The following KCNG3 variants were observed in gnomAD, a reference collection of about 807,000 sequenced individuals.
KCNG3 encodes the protein potassium voltage-gated channel modifier subfamily G member 3.
A neutral mutation model predicts 29.0 loss-of-function variants in KCNG3; 15 were observed. The ratio of observed to expected loss-of-function variants is 0.52; its 90% CI spans 0.35 to 0.80. KCNG3 has a LOEUF of 0.80. Among genes scored for constraint, KCNG3 ranks in the 30% least tolerant of loss-of-function variants. The probability of loss-of-function intolerance (pLI) is 0.01; values close to 1 mark genes in which losing one functional copy is unlikely to be tolerated. For missense variants in KCNG3, 512 were observed against 605.7 expected (o/e 0.85, Z 1.62); for synonymous variants, 322 against 248.9 (o/e 1.29, Z -2.76).
chr2:42,415,845 G>A, the KCNG3 span, among the ~76,000 whole-genome samples: 1 of 152,118 alleles, frequency 6.6e-6, no homozygotes, highest in Non-Finnish European at 1.5e-5. Context: ...GCATGGAAAG[G>A]CAAATATTGC....
At chr2:42,487,156 CAA>C (rs1194994891) in intron 1 of KCNG3, among the ~76,000 whole-genome samples, 10 of 67,978 alleles carry the variant, frequency 1.5e-4, no homozygotes, top group Admixed American at 4.9e-4. Flanking sequence ...GACTCTGTCT[CAA>C]AAAAAAAAAA....
At chr2:42,465,948 T>C (rs1444355156) in intron 1 of KCNG3, among the ~76,000 whole-genome samples, 2 of 152,154 alleles carry the variant, frequency 1.3e-5, no homozygotes, top group Non-Finnish European at 1.5e-5. Flanking sequence ...TAACAAAAAT[T>C]TGTAAAACCA....
intron 1 of KCNG3, among the ~76,000 whole-genome samples, chr2:42,458,752 C>T (rs1250917188): frequency 2.0e-5 from 3 of 151,036 alleles, no homozygotes. Context: ...TAGAGACAGA[C>T]TTTAAAACCT....
intron 1 of KCNG3, among the ~76,000 whole-genome samples, chr2:42,464,853 T>C (rs1489443534): frequency 3.3e-5 from 5 of 152,156 alleles, no homozygotes; most frequent in Non-Finnish European, 4.4e-5. Flanking sequence ...GTAGTGGTTG[T>C]AAATTCAGCC....
At chr2:42,460,379 T>A (rs188949241) in intron 1 of KCNG3, among the ~76,000 whole-genome samples, 1 of 152,272 alleles carries the variant, frequency 6.6e-6, no homozygotes, top group Admixed American at 6.5e-5. Context: ...AATTAATTAA[T>A]AATTAAATCA....
intron 1 of KCNG3, among the ~76,000 whole-genome samples, chr2:42,448,447 G>A (rs1312364179): frequency 7.9e-5 from 12 of 151,650 alleles, no homozygotes; most frequent in Admixed American, 7.9e-4. Context: ...GTTTGAAATG[G>A]TGGCTTTTAT....
chr2:42,485,774 T>G (rs1161864986), intron 1 of KCNG3, among the ~76,000 whole-genome samples: 1 of 152,154 alleles, frequency 6.6e-6, no homozygotes, highest in African/African-American at 2.4e-5. Flanking sequence ...AAAAAACAAC[T>G]TGTCTATATG....
At chr2:42,478,746 G>A (rs1273256607) in intron 1 of KCNG3, among the ~76,000 whole-genome samples, 1 of 152,120 alleles carries the variant, frequency 6.6e-6, no homozygotes, top group Non-Finnish European at 1.5e-5. Flanking sequence ...ATGGCTACTT[G>A]AGGGCAAGGG....
the KCNG3 span, among the ~76,000 whole-genome samples, chr2:42,405,886 G>A: frequency 3.3e-5 from 5 of 151,968 alleles, no homozygotes; most frequent in African/African-American, 1.2e-4. Flanking sequence ...GATTACAGGT[G>A]TGAGCCACCG....
At chr2:42,479,127 G>C (rs1477213632) in intron 1 of KCNG3, among the ~76,000 whole-genome samples, 1 of 152,084 alleles carries the variant, frequency 6.6e-6, no homozygotes. Context: ...CGCTCAATCT[G>C]TAGCACCTAT....
At chr2:42,431,242 T>C in the KCNG3 span, among the ~76,000 whole-genome samples, 1 of 152,182 alleles carries the variant, frequency 6.6e-6, no homozygotes, top group African/African-American at 2.4e-5. Flanking sequence ...TTCCTAAGAA[T>C]AGCTGTTATG....
At chr2:42,412,531 G>A in the KCNG3 span, among the ~76,000 whole-genome samples, 1 of 152,096 alleles carries the variant, frequency 6.6e-6, no homozygotes, top group African/African-American at 2.4e-5. Flanking sequence ...TTGTAAATTT[G>A]TCAAATTCTA....
At chr2:42,389,126 C>T in the KCNG3 span, among the ~76,000 whole-genome samples, 1,992 of 152,242 alleles carry the variant, frequency 0.013, 42 homozygotes, top group African/African-American at 0.045. Flanking sequence ...CCATGTTGGC[C>T]AGGCTGGTCT....
intron 1 of KCNG3, among the ~76,000 whole-genome samples, chr2:42,470,898 C>T (rs958426954): frequency 2.7e-5 from 4 of 146,194 alleles, no homozygotes; most frequent in South Asian, 2.2e-4. Flanking sequence ...GGCTCTCACA[C>T]CTGTAATCCC....
At chr2:42,407,010 G>A in the KCNG3 span, among the ~76,000 whole-genome samples, 1 of 151,830 alleles carries the variant, frequency 6.6e-6, no homozygotes, top group African/African-American at 2.4e-5. Context: ...TTGCATCAGA[G>A]AGTGGTCCAC....
At chr2:42,456,423 G>A (rs1325848707) in intron 1 of KCNG3, among the ~76,000 whole-genome samples, 1 of 152,118 alleles carries the variant, frequency 6.6e-6, no homozygotes, top group African/African-American at 2.4e-5. Context: ...CAGTTACTGA[G>A]GAGGCTGAGG....
the KCNG3 span, among the ~76,000 whole-genome samples, chr2:42,412,510 T>G: frequency 6.6e-6 from 1 of 152,216 alleles, no homozygotes; most frequent in Non-Finnish European, 1.5e-5. Context: ...TGTTAAAATC[T>G]CCCATTATGA....
intron 1 of KCNG3, among the ~76,000 whole-genome samples, chr2:42,459,898 C>T (rs1572848824): frequency 6.6e-6 from 1 of 151,766 alleles, no homozygotes; most frequent in Non-Finnish European, 1.5e-5. Flanking sequence ...ATGGTGTGAA[C>T]CCGGGAGGTG....
At chr2:42,435,662 T>C in the KCNG3 span, among the ~76,000 whole-genome samples, 1 of 152,152 alleles carries the variant, frequency 6.6e-6, no homozygotes, top group Non-Finnish European at 1.5e-5. Context: ...GCATTGTCAT[T>C]AGGGAAATGC....
Sources: allele counts gnomAD v4.1 joint callset (sites outside exome capture counted in the v4.1 genomes callset), GRCh38; gene constraint gnomAD v4.1.1; transcripts MANE v1.5; gene names NCBI Gene and HGNC (gene_info 2026-07-23, HGNC 2026-07-21).